NBPF3: variants seen among roughly 807,000 people sequenced by gnomAD.
The protein encoded by NBPF3 is NBPF family member NBPF3.
In NBPF3, 57 loss-of-function variants were observed where a neutral mutation model predicts 78.1. That is an observed-to-expected ratio of 0.73 (90% CI 0.59 to 0.91). NBPF3 has a LOEUF of 0.91. NBPF3 is among the 40% of genes least tolerant of loss of function. The pLI is 0.00. For synonymous variants in NBPF3, 182 were observed against 271.7 expected (o/e 0.67, Z 3.25); for missense variants, 510 against 715.3 (o/e 0.71, Z 3.27).
At chr1:21,456,858 C>A (rs1017498229) in intron 2 of NBPF3, among the ~76,000 whole-genome samples, 2 of 152,006 alleles carry the variant, frequency 1.3e-5, no homozygotes, top group Admixed American at 1.3e-4. Flanking sequence ...TACTAGAGAT[C>A]TAAATCAGTG....
intron 3 of NBPF3, among the ~76,000 whole-genome samples, chr1:21,469,621 A>T (rs1050222610): frequency 6.6e-6 from 1 of 152,130 alleles, no homozygotes; most frequent in African/African-American, 2.4e-5. Flanking sequence ...GCTACTCAGG[A>T]GGCTGAGGCA....
chr1:21,471,802 C>CTGA lies in NBPF3; in HGVS notation c.661+23_661+25dup, dbSNP rs1242636264. 2 of 1,611,944 alleles carry CTGA rather than the reference C, an allele frequency of 1.2e-6. No individual in the cohort carries two copies. The highest frequency in any genetic ancestry group is 3.3e-5 in the Admixed American group (2 of 59,982). ...AGCCCAGGTGAGGTGGCCATAGGCC[C>CTGA]TGATGACCCAAAACCCCAGGCTTAT... On this transcript the variant is annotated intron_variant, in intron 5 of 14. Coordinates refer to ENST00000318249, the MANE Select transcript of NBPF3 (RefSeq NM_032264.6).
chr1:21,483,134 C>T lies in NBPF3; in HGVS notation c.1659-9C>T, dbSNP rs759455016. 6.2e-7 allele frequency: 1 copy of T among 1,612,156 alleles called. No individual in the cohort carries two copies. Among genetic ancestry groups the T allele is most frequent in the Admixed American group, 1.7e-5 (1 of 59,738 alleles). ...CTGGCTGCTTCTTTAGTTTTGTCTC[C>T]TTTTCCAGGCTCAACGAGGTGCTGA... On this transcript the variant is annotated splice_polypyrimidine_tract_variant and intron_variant, in intron 14 of 14. Coordinates refer to ENST00000318249, the MANE Select transcript of NBPF3 (RefSeq NM_032264.6).
intron 2 of NBPF3, chr1:21,446,099 A>C (rs903943959): frequency 9.8e-5 from 15 of 152,394 alleles, no homozygotes; most frequent in African/African-American, 3.6e-4. Flanking sequence ...AATGGATGAC[A>C]TCAGACCCAG....
chr1:21,439,647 A>ATT (rs200813916), upstream of NBPF3, among the ~76,000 whole-genome samples: 2 of 147,858 alleles, frequency 1.4e-5, no homozygotes, highest in Non-Finnish European at 3.0e-5. Context: ...GTACTATTTG[A>ATT]TTTTTTTTTT....
chr1:21,437,269 A>G, upstream of NBPF3: 1 of 372,054 alleles, frequency 2.7e-6, no homozygotes, highest in South Asian at 3.5e-5. Context: ...GTGGTGTCAG[A>G]ACCCAGGAGA....
At position 21,457,954 on chromosome 1, in the gene NBPF3, T is replaced by G. The variant is rs181706277; in HGVS notation, c.134-10734T>G. Among the ~76,000 whole-genome samples, 17 of 152,286 alleles carry G rather than the reference T, an allele frequency of 1.1e-4. No individual in the cohort carries two copies. In the East Asian group the frequency reaches 3.3e-3, roughly 29 times the overall value. On this transcript the variant is annotated intron_variant, in intron 2 of 14. Coordinates refer to ENST00000318249, the MANE Select transcript of NBPF3 (RefSeq NM_032264.6). ...ACCAGACCAAGTCAAAATTACAAAG[T>G]TTTCCTGAGCTTATATACCTTCTAA...
At chr1:21,442,669 ATTTTT>A (rs112275167) in intron 1 of NBPF3, among the ~76,000 whole-genome samples, 1 of 128,420 alleles carries the variant, frequency 7.8e-6, no homozygotes, top group Non-Finnish European at 1.7e-5. Flanking sequence ...CAGTTTTTGC[ATTTTT>A]TTTTTTTCAG....
rs1201399783 is a variant in NBPF3, at chr1:21,480,339, C to G, written c.1381+116C>G. 3.1e-5 allele frequency: 17 copies of G among 556,988 alleles called. 1 individual carries two copies. The highest frequency in any genetic ancestry group is 3.0e-5 in the Non-Finnish European group (9 of 298,580). 34.5% of individuals were successfully genotyped at this position (556,988 alleles called of 1,614,324 possible). A position where few individuals can be genotyped will look rare whatever the true frequency, so the allele number is the denominator to read the frequency against. Reference sequence around the variant, plus strand: ...GAGATGTCATTGCCACAGGCAGGACCCGTGGGCGCATAGAGGTTGTAATGA... The same window carrying G: ...GAGATGTCATTGCCACAGGCAGGACGCGTGGGCGCATAGAGGTTGTAATGA... On this transcript the variant is annotated intron_variant, in intron 11 of 14. Coordinates refer to ENST00000318249, the MANE Select transcript of NBPF3 (RefSeq NM_032264.6).
chr1:21,475,036 G>A (rs1642819799), intron 8 of NBPF3, 85 bp downstream of exon 8: 4 of 1,217,806 alleles, frequency 3.3e-6, no homozygotes, highest in Non-Finnish European at 4.8e-6. Flanking sequence ...GCAATGAATA[G>A]AACTTTTTAT....
In NBPF3 at chr1:21,472,926, A is replaced by G. The variant is rs2147994696; in HGVS notation, c.734+11A>G. ...ATTATATGCCCCCAGGTAACGCTGA[A>G]TAATCGGGAGCAAGTAATGGGTGGT... is the stretch of plus-strand genomic sequence containing the variant. On this transcript the variant is annotated intron_variant, in intron 6 of 14. Coordinates refer to ENST00000318249, the MANE Select transcript of NBPF3 (RefSeq NM_032264.6). 1 of 1,598,992 alleles carries G rather than the reference A, an allele frequency of 6.3e-7. No homozygotes were observed. The highest frequency in any genetic ancestry group is 8.6e-7 in the Non-Finnish European group (1 of 1,166,226).
chr1:21,440,079 G>T (rs1640526407), upstream of NBPF3: 1 of 152,148 alleles, frequency 6.6e-6, no homozygotes, highest in Non-Finnish European at 1.5e-5. Flanking sequence ...TTCTCCTGAC[G>T]CGGCCCATCC....
chr1:21,449,924 G>C (rs114724813), intron 2 of NBPF3: 165 of 92,130 alleles, frequency 1.8e-3, no homozygotes, highest in African/African-American at 6.2e-3. Flanking sequence ...TTCTTTCATT[G>C]ATTGATTGAT....
chr1:21,443,165 G>T (rs1419613800), intron 1 of NBPF3, among the ~76,000 whole-genome samples: 2 of 152,078 alleles, frequency 1.3e-5, no homozygotes, highest in African/African-American at 4.8e-5. Flanking sequence ...CTCTACAAAA[G>T]ATAAAAATAA....
At chr1:21,464,427 G>C (rs1642136581) in intron 2 of NBPF3, among the ~76,000 whole-genome samples, 1 of 151,930 alleles carries the variant, frequency 6.6e-6, no homozygotes, top group Admixed American at 6.6e-5. Context: ...AGAGAAGGTA[G>C]ATTAGTGGTT....
intron 2 of NBPF3, among the ~76,000 whole-genome samples, chr1:21,463,953 CAT>C (rs1642105733): frequency 6.6e-6 from 1 of 152,228 alleles, no homozygotes; most frequent in African/African-American, 2.4e-5. Flanking sequence ...AAAGACAACA[CAT>C]GTTTCAAAAG....
At chr1:21,458,526 A>G (rs1641768323) in intron 2 of NBPF3, among the ~76,000 whole-genome samples, 1 of 152,248 alleles carries the variant, frequency 6.6e-6, no homozygotes, top group African/African-American at 2.4e-5. Flanking sequence ...AGAAATGTCC[A>G]ATAACAAGTG....
intron 2 of NBPF3, among the ~76,000 whole-genome samples, chr1:21,464,733 T>C (rs1434651527): frequency 6.6e-6 from 1 of 151,296 alleles, no homozygotes; most frequent in African/African-American, 2.4e-5. Flanking sequence ...CAGGGCCAGG[T>C]TCAGTGGCTA....
chr1:21,478,202 T>G lies in NBPF3; in HGVS notation c.1051T>G (p.Trp351Gly). ...APQESWDEGD[W>G]TLSIPPDMSA... is the part of the protein sequence containing the mutation. ...CCAGGAGTCCTGGGATGAAGGTGAT[T>G]GGACTCTCTCAATTCCTCCTGACAT... The change falls in exon 9 of 15, where the codon TGG becomes GGG. Residue 351 changes from tryptophan (W) to glycine (G), a missense_variant. Transcript: ENST00000318249. 6.2e-7 allele frequency: 1 copy of G among 1,614,196 alleles called. No homozygotes were observed. Among genetic ancestry groups the G allele is most frequent in the South Asian group, 1.1e-5 (1 of 91,078 alleles).
Sources: gnomAD v4.1 joint callset for allele counts (sites outside exome capture counted in the v4.1 genomes callset) on GRCh38, gnomAD v4.1.1 for gene constraint, MANE v1.5 for transcripts, NCBI Gene and HGNC (gene_info 2026-07-23, HGNC 2026-07-21) for gene names.